Variants in MICU1 observed in about 807,000 individuals in gnomAD.
MICU1 encodes mitochondrial calcium uptake 1, also known as calcium uptake protein 1, mitochondrial.
MICU1 carries 45 observed loss-of-function variants against 56.8 expected under a neutral mutation model. The ratio of observed to expected loss-of-function variants is 0.79; its 90% CI spans 0.62 to 1.02. The LOEUF (loss-of-function observed/expected upper bound fraction) is 1.02, where lower values mean the gene tolerates loss of function less well. Among genes scored for constraint, MICU1 ranks in the 50% least tolerant of loss-of-function variants. The probability of loss-of-function intolerance (pLI) is 0.00; values close to 1 mark genes in which losing one functional copy is unlikely to be tolerated. For missense variants in MICU1, 504 were observed against 587.1 expected, an observed-to-expected ratio of 0.86 and a Z score of 1.46; for synonymous variants, 186 against 195.1, an observed-to-expected ratio of 0.95 and a Z score of 0.39.
intron 6 of MICU1, among the ~76,000 whole-genome samples, chr10:72,500,314 T>A (rs1335540146): frequency 1.3e-3 from 28 of 21,714 alleles, no homozygotes; most frequent in African/African-American, 3.1e-3. Context: ...TTTTTTTTTT[T>A]TTTTTTTTTT....
chr10:72,614,378 T>A (rs1394478076), intron 1 of MICU1, among the ~76,000 whole-genome samples: 1 of 152,192 alleles, frequency 6.6e-6, no homozygotes, highest in Non-Finnish European at 1.5e-5. Context: ...CTAGGTGTAT[T>A]TCCAAAGGAA....
intron 5 of MICU1, among the ~76,000 whole-genome samples, chr10:72,522,793 G>GTTCATTGAC (rs1867861313): frequency 6.6e-6 from 1 of 152,128 alleles, no homozygotes; most frequent in South Asian, 2.1e-4. Context: ...CAAAGTAACT[G>GTTCATTGAC]TTCATTGACC....
chr10:72,560,777 T>C (rs1211288776), intron 3 of MICU1, among the ~76,000 whole-genome samples: 1 of 152,048 alleles, frequency 6.6e-6, no homozygotes, highest in African/African-American at 2.4e-5. Flanking sequence ...GGCTGAGGCA[T>C]GAGAATCGTT....
At chr10:72,443,443 C>T (rs11000300) in intron 8 of MICU1, among the ~76,000 whole-genome samples, 5,841 of 152,214 alleles carry the variant, frequency 0.038, 141 homozygotes, top group South Asian at 0.11. Context: ...GAAGTCCTTG[C>T]CCGTGCCTAT....
chr10:72,501,709 A>G (rs2132330729), intron 6 of MICU1: 1 of 152,246 alleles, frequency 6.6e-6, no homozygotes, highest in Middle Eastern at 3.4e-3. Flanking sequence ...AGGTGTTTAA[A>G]CGTGTAGGTT....
At chr10:72,615,545 A>G (rs1297735159) in intron 1 of MICU1, among the ~76,000 whole-genome samples, 2 of 152,192 alleles carry the variant, frequency 1.3e-5, no homozygotes, top group African/African-American at 4.8e-5. Flanking sequence ...ATTATTTTCT[A>G]TATTTCATGA....
chr10:72,608,804 T>C lies in MICU1; in HGVS notation c.-2+17206A>G, dbSNP rs545321689. ...TCTTGTAACAAGTACCCAAGTCTCA[T>C]CCAACCACAGGCACCCAACTGTTCA... On this transcript the variant is annotated intron_variant, in intron 1 of 11. Transcript: ENST00000361114. Among the ~76,000 whole-genome samples the C allele has an allele frequency of 2.6e-5, 4 of 152,328 alleles. No homozygotes were observed. In the South Asian group the frequency reaches 8.3e-4, roughly 32 times the overall value.
At chr10:72,435,749 GC>G (rs1348432073) in intron 8 of MICU1, among the ~76,000 whole-genome samples, 3 of 152,256 alleles carry the variant, frequency 2.0e-5, no homozygotes, top group Non-Finnish European at 1.5e-5. Context: ...CCGGTGCCTG[GC>G]TCAGCATGTC....
chr10:72,564,559 A>AAG (rs1840379588), intron 2 of MICU1, among the ~76,000 whole-genome samples: 1 of 150,256 alleles, frequency 6.7e-6, no homozygotes, highest in African/African-American at 2.5e-5. Flanking sequence ...AAAAAAAAAA[A>AAG]AAAAGAAAAG....
chr10:72,380,899 A>G (rs1355412997), intron 10 of MICU1, among the ~76,000 whole-genome samples: 2 of 152,246 alleles, frequency 1.3e-5, no homozygotes, highest in African/African-American at 4.8e-5. Flanking sequence ...GAATAATTGA[A>G]TAACTGGGAG....
At chr10:72,371,610 G>C (rs529724658) in intron 11 of MICU1, among the ~76,000 whole-genome samples, 4 of 152,068 alleles carry the variant, frequency 2.6e-5, no homozygotes, top group Admixed American at 6.6e-5. Context: ...CAGGCGTGGT[G>C]GTGGGCACCT....
intron 8 of MICU1, among the ~76,000 whole-genome samples, chr10:72,470,745 C>G (rs909039425): frequency 6.6e-6 from 1 of 152,090 alleles, no homozygotes; most frequent in African/African-American, 2.4e-5. Flanking sequence ...AACCATAGCA[C>G]TAGACTTATG....
At chr10:72,372,484 T>A (rs192622659) in intron 11 of MICU1, among the ~76,000 whole-genome samples, 96 of 150,856 alleles carry the variant, frequency 6.4e-4, no homozygotes, top group East Asian at 3.9e-3. Flanking sequence ...AAAACAAATT[T>A]AAAAAAAAAT....
rs897973754 is a variant in MICU1, at chr10:72,501,291, C to T, written c.652+6864G>A. ...GAATTCTGAATTATAAGAAACCAAG[C>T]TTGTTTGGGAATAGATTAATTAAAA... On this transcript the variant is annotated intron_variant, in intron 6 of 11. Coordinates refer to ENST00000361114, the MANE Select transcript of MICU1 (RefSeq NM_001195518.2). Among the ~76,000 whole-genome samples, 3 of 151,974 alleles carry T rather than the reference C, an allele frequency of 2.0e-5. No individual in the cohort carries two copies. In the South Asian group the frequency reaches 6.2e-4, roughly 31 times the overall value.
chr10:72,411,393 T>C (rs1009982555), intron 9 of MICU1, among the ~76,000 whole-genome samples: 1 of 151,876 alleles, frequency 6.6e-6, no homozygotes, highest in Non-Finnish European at 1.5e-5. Flanking sequence ...AGTGGCGCGA[T>C]CTCGGCTCAC....
chr10:72,395,463 C>T lies in MICU1; in HGVS notation c.1180+12466G>A, dbSNP rs370150731. ...TGGGTGCAGCCCACGGAGAGTGAGT[C>T]GAAGCAGGGCGGGGCGTCGCCTCAC... On this transcript the variant is annotated intron_variant, in intron 10 of 11. Coordinates refer to ENST00000361114, the MANE Select transcript of MICU1 (RefSeq NM_001195518.2). Among the ~76,000 whole-genome samples the T allele has an allele frequency of 2.0e-3, 303 of 152,212 alleles. 2 individuals carry two copies. The highest frequency in any genetic ancestry group is 6.9e-3 in the African/African-American group (286 of 41,534).
chr10:72,600,734 A>G (rs1841508710), intron 1 of MICU1, among the ~76,000 whole-genome samples: 1 of 152,144 alleles, frequency 6.6e-6, no homozygotes, highest in Non-Finnish European at 1.5e-5. Flanking sequence ...ACTATGCATG[A>G]TAAGTGCTTA....
chr10:72,589,265 G>A (rs1362402575), intron 1 of MICU1, among the ~76,000 whole-genome samples: 1 of 151,882 alleles, frequency 6.6e-6, no homozygotes, highest in Non-Finnish European at 1.5e-5. Flanking sequence ...CTCCAGCCTG[G>A]GCGACTGACT....
chr10:72,448,185 ATATATATATTTT>A (rs1865175400), intron 8 of MICU1, among the ~76,000 whole-genome samples: 1 of 72,058 alleles, frequency 1.4e-5, no homozygotes, highest in South Asian at 4.9e-4. Flanking sequence ...ATATATATAT[ATATATATATTTT>A]TTTTTTTTTT....
Sources: gnomAD v4.1 joint callset for allele counts (sites outside exome capture counted in the v4.1 genomes callset) on GRCh38, gnomAD v4.1.1 for gene constraint, MANE v1.5 for transcripts, NCBI Gene and HGNC (gene_info 2026-07-23, HGNC 2026-07-21) for gene names.